The following C5 variants were observed in gnomAD, a reference collection of about 807,000 sequenced individuals.
The protein encoded by C5 is C3 and PZP-like alpha-2-macroglobulin domain-containing protein 4.
Under a neutral mutation model 218.8 loss-of-function variants are expected in C5, and 140 were observed. The observed-to-expected ratio is 0.64, with a 90% CI of 0.56 to 0.74. The LOEUF is 0.74. Among genes scored for constraint, C5 ranks in the 30% least tolerant of loss-of-function variants. The probability of loss-of-function intolerance (pLI) is 0.00; values close to 1 mark genes in which losing one functional copy is unlikely to be tolerated. For missense variants in C5, 1,700 were observed against 1,969.6 expected (o/e 0.86, Z 2.59); for synonymous variants, 614 against 682.3 (o/e 0.90, Z 1.56).
chr9:121,008,068 TTAA>T (rs1208932510), intron 18 of C5, among the ~76,000 whole-genome samples: 1 of 152,172 alleles, frequency 6.6e-6, no homozygotes, highest in Non-Finnish European at 1.5e-5. Flanking sequence ...TTCCTGTTTA[TTAA>T]TGTTTGTTTT....
chr9:121,011,137 CA>C (rs1332313602), intron 17 of C5, among the ~76,000 whole-genome samples: 3 of 152,138 alleles, frequency 2.0e-5, no homozygotes, highest in African/African-American at 7.2e-5. Context: ...AATGGGATCA[CA>C]TCAAGTTAAA....
chr9:120,990,149 T>C (rs1422699180), intron 23 of C5, among the ~76,000 whole-genome samples: 2 of 152,188 alleles, frequency 1.3e-5, no homozygotes, highest in Non-Finnish European at 2.9e-5. Flanking sequence ...AGTGCTGACA[T>C]GACTGTCTAT....
At position 120,989,639 on chromosome 9, in the gene C5, C is replaced by T; in HGVS notation, c.3083G>A (p.Gly1028Glu). Residue 1028 changes from glycine to glutamate, a missense_variant, in exon 24 of 41, where the codon GGA (glycine) becomes GAA (glutamate). By Grantham distance (98) the Gly-to-Glu change is moderately conservative. Coordinates refer to ENST00000223642, the MANE Select transcript of C5 (RefSeq NM_001735.3). Reference protein sequence around the residue: ...VFYVFHYLETGNHWNIFHSDP... With the variant: ...VFYVFHYLETENHWNIFHSDP... ...AGAATGAAAAATGTTCCAATGATTT[C>T]CTGTTTCCAGGTAGTGAAAAACATA... is the stretch of plus-strand genomic sequence containing the variant. The T allele has an allele frequency of 6.2e-7, 1 of 1,613,514 alleles. No homozygotes were observed. The highest frequency in any genetic ancestry group is 8.5e-7 in the Non-Finnish European group (1 of 1,179,748).
chr9:120,952,743 C>T lies in C5; in HGVS notation c.5027G>A (p.Cys1676Tyr), dbSNP rs747726925. 5 of 1,612,554 alleles carry T rather than the reference C, an allele frequency of 3.1e-6. No homozygotes were observed. In the African/African-American group the frequency reaches 6.7e-5, roughly 22 times the overall value. Residue 1676 changes from cysteine (C) to tyrosine (Y), a missense_variant, in exon 41 of 41, where the codon TGC becomes TAC. Transcript: ENST00000223642. ...EFAEDIFLNGC is the reference protein window; with the variant it reads ...EFAEDIFLNGY Reference sequence around the variant, plus strand: ...TGCAGCTGAACTTCAGGAATTTTAGCATCCATTTAAAAAGATATCTTCGGC... The same window carrying T: ...TGCAGCTGAACTTCAGGAATTTTAGTATCCATTTAAAAAGATATCTTCGGC...
chr9:120,960,257 T>C lies in C5; in HGVS notation c.4669A>G (p.Ile1557Val). 1 of 1,607,948 alleles carries C rather than the reference T, an allele frequency of 6.2e-7. No individual in the cohort carries two copies. The highest frequency in any genetic ancestry group is 8.5e-7 in the Non-Finnish European group (1 of 1,174,702). Reference sequence around the variant, plus strand: ...GAACTTTTGAACTCACCATATGCAATCTCTGGTTTACATGCTGTTTGTTTT... The same window carrying C: ...GAACTTTTGAACTCACCATATGCAACCTCTGGTTTACATGCTGTTTGTTTT... ...TRKQTACKPE[I>V]AYAYKVSITS... Residue 1557 changes from isoleucine to valine, a missense_variant, in exon 38 of 41, where the codon ATT (isoleucine) becomes GTT (valine). Physicochemically the swap from Ile to Val is conservative, Grantham distance 29. Transcript: ENST00000223642.
intron 26 of C5, 106 bp downstream of exon 26, chr9:120,982,549 C>A: frequency 1.1e-6 from 1 of 945,492 alleles, no homozygotes; most frequent in Non-Finnish European, 1.6e-6. Context: ...GAATTTCTTG[C>A]AGAATTACAT....
chr9:121,015,063 T>G (rs1198052170), intron 16 of C5, 136 bp downstream of exon 16: 1 of 642,526 alleles, frequency 1.6e-6, no homozygotes, highest in Non-Finnish European at 2.7e-6. Flanking sequence ...CTGAGAGAGA[T>G]AAGCTAGACC....
At chr9:121,060,766 T>A in the C5 span, among the ~76,000 whole-genome samples, 2 of 151,600 alleles carry the variant, frequency 1.3e-5, no homozygotes, top group Admixed American at 6.6e-5. Context: ...ATATAGAAAA[T>A]ATTAAATTAA....
At chr9:121,046,481 T>A in intron 1 of C5, 98 bp from the exon 2 acceptor site, 2 of 807,482 alleles carry the variant, frequency 2.5e-6, no homozygotes, top group Non-Finnish European at 4.2e-6. Flanking sequence ...CCATTTAAAA[T>A]ACATATATTT....
intron 20 of C5, among the ~76,000 whole-genome samples, chr9:121,004,154 C>A (rs2047195915): frequency 6.6e-6 from 1 of 152,076 alleles, no homozygotes; most frequent in South Asian, 2.1e-4. Flanking sequence ...TAGGCCTGAG[C>A]CACCGCTCCT....
chr9:121,034,900 A>C lies in C5; in HGVS notation c.493-6T>G. The C allele has an allele frequency of 6.7e-7, 1 of 1,494,168 alleles. No individual in the cohort carries two copies. The highest frequency in any genetic ancestry group is 9.3e-7 in the Non-Finnish European group (1 of 1,075,224). 92.6% of individuals were successfully genotyped at this position (1,494,168 alleles called of 1,614,324 possible). A position where few individuals can be genotyped will look rare whatever the true frequency, so the allele number is the denominator to read the frequency against. ...ACTTCTGATCCTTCAGGATCCTGTA[A>C]ATAAAAACAAACACCCTCAAAGGCC... On this transcript the variant is annotated splice_polypyrimidine_tract_variant and splice_region_variant and intron_variant, in intron 4 of 40. Coordinates refer to ENST00000223642, the MANE Select transcript of C5 (RefSeq NM_001735.3).
chr9:121,048,069 A>C (rs1386292211), intron 1 of C5, among the ~76,000 whole-genome samples: 1 of 152,192 alleles, frequency 6.6e-6, no homozygotes, highest in Non-Finnish European at 1.5e-5. Flanking sequence ...AGAATTAGAA[A>C]TCGAACCTGA....
intron 39 of C5, 22 bp downstream of exon 39, chr9:120,957,263 G>A (rs1264176059): frequency 1.2e-5 from 18 of 1,524,154 alleles, no homozygotes; most frequent in Admixed American, 1.2e-4. Flanking sequence ...ATGAAGGAAC[G>A]AATGAACGAA....
chr9:121,070,352 TGAAA>T, the C5 span, among the ~76,000 whole-genome samples: 2 of 120,802 alleles, frequency 1.7e-5, no homozygotes, highest in South Asian at 2.5e-4. Context: ...AACAAAATTC[TGAAA>T]GAAAGAAAGA....
intron 39 of C5, among the ~76,000 whole-genome samples, chr9:120,954,163 C>T (rs574577215): frequency 2.0e-5 from 3 of 152,264 alleles, no homozygotes; most frequent in South Asian, 2.1e-4. Context: ...GTAGAACCAT[C>T]GTGAGATTAA....
chr9:121,041,297 C>CTTTATT (rs2047577547), intron 3 of C5, among the ~76,000 whole-genome samples: 1 of 72,678 alleles, frequency 1.4e-5, no homozygotes, highest in Non-Finnish European at 2.4e-5. Flanking sequence ...TACATGAAGC[C>CTTTATT]TTTTTTTTTT....
chr9:121,020,502 T>A (rs1296238874), intron 11 of C5, among the ~76,000 whole-genome samples: 2 of 152,174 alleles, frequency 1.3e-5, no homozygotes, highest in African/African-American at 4.8e-5. Flanking sequence ...ATGGGATGAT[T>A]ACAGAGAGAT....
chr9:120,981,740 A>T, intron 27 of C5, 104 bp downstream of exon 27: 1 of 756,400 alleles, frequency 1.3e-6, no homozygotes, highest in Non-Finnish European at 2.3e-6. Context: ...ATTGGAAAGA[A>T]GGAAAAGAAG....
intron 19 of C5, 43 bp downstream of exon 19, chr9:121,006,861 T>C (rs2047219848): frequency 7.9e-7 from 1 of 1,259,576 alleles, no homozygotes; most frequent in Non-Finnish European, 1.2e-6. Context: ...ATCTTGCTAA[T>C]CAAATCACTA....
Sources: allele counts gnomAD v4.1 joint callset (sites outside exome capture counted in the v4.1 genomes callset), GRCh38; gene constraint gnomAD v4.1.1; transcripts MANE v1.5; gene names NCBI Gene and HGNC (gene_info 2026-07-23, HGNC 2026-07-21).